PAX3: variants seen among roughly 807,000 people sequenced by gnomAD.
PAX3 encodes paired box protein Pax-3.
In PAX3, 14 loss-of-function variants were observed where a neutral mutation model predicts 51.6. The ratio of observed to expected loss-of-function variants is 0.27; its 90% CI spans 0.18 to 0.42. PAX3 has a LOEUF of 0.42. PAX3 is among the 10% of genes least tolerant of loss of function. The pLI is 1.00. For missense variants in PAX3, 540 were observed against 642.8 expected (o/e 0.84, Z 1.73); for synonymous variants, 280 against 253.4 (o/e 1.11, Z -1.00).
chr2:222,251,441 T>G (rs1693428555), intron 4 of PAX3, among the ~76,000 whole-genome samples: 1 of 152,216 alleles, frequency 6.6e-6, no homozygotes. Flanking sequence ...AACTCATCCT[T>G]TTTTATGGCT....
chr2:222,208,371 G>C (rs1691594352), intron 7 of PAX3, among the ~76,000 whole-genome samples: 1 of 152,080 alleles, frequency 6.6e-6, no homozygotes, highest in Non-Finnish European at 1.5e-5. Flanking sequence ...AGCATATTAA[G>C]AGGGACTGAC....
In PAX3 at chr2:222,256,639, A is replaced by G. The variant is rs140932892; in HGVS notation, c.587-24356T>C. Among the ~76,000 whole-genome samples the G allele has an allele frequency of 1.2e-3, 190 of 152,360 alleles. 2 individuals are homozygous for G. In the South Asian group the frequency reaches 0.027, roughly 21 times the overall value. ...AGTCTCATTTTCTCATGAATGCAAA[A>G]TTAAATACTGTATATAACAGCATTT... On this transcript the variant is annotated intron_variant, in intron 4 of 8. Coordinates refer to ENST00000392070, the MANE Select transcript of PAX3 (RefSeq NM_181458.4).
At chr2:222,267,817 G>A (rs1306547273) in intron 4 of PAX3, among the ~76,000 whole-genome samples, 1 of 152,164 alleles carries the variant, frequency 6.6e-6, no homozygotes, top group African/African-American at 2.4e-5. Context: ...AGTAGCTGAA[G>A]TTGCTAATAT....
At chr2:222,209,960 AAC>A (rs1691663602) in intron 7 of PAX3, among the ~76,000 whole-genome samples, 1 of 152,138 alleles carries the variant, frequency 6.6e-6, no homozygotes, top group Non-Finnish European at 1.5e-5. Flanking sequence ...AACATCTGAG[AAC>A]ACAGTCTCCC....
chr2:222,216,004 G>A (rs774734903), intron 7 of PAX3, among the ~76,000 whole-genome samples: 14 of 152,124 alleles, frequency 9.2e-5, no homozygotes, highest in Non-Finnish European at 1.6e-4. Flanking sequence ...ACCCTCTCAC[G>A]CATCACTGAG....
intron 3 of PAX3, among the ~76,000 whole-genome samples, chr2:222,294,776 G>C (rs1247714781): frequency 7.4e-5 from 1 of 13,458 alleles, no homozygotes; most frequent in African/African-American, 3.5e-4. Context: ...CCACCCCCCC[G>C]TAAATCAAGT....
Position 222,202,129 on chromosome 2 carries a change from A to G in PAX3, c.1235T>C (p.Leu412Pro), listed in dbSNP as rs1348067917. The change falls in exon 8 of 9, where the codon CTC (leucine) becomes CCC (proline). Residue 412 changes from leucine (L) to proline (P), a missense_variant. Transcript: ENST00000392070. ...TTCCAGACCCCCGGTGAGAGGGGAGAGCGCGTAATCAGTCTGGGGCTGATG... is the reference window on the plus strand; with the variant it reads ...TTCCAGACCCCCGGTGAGAGGGGAGGGCGCGTAATCAGTCTGGGGCTGATG... ...VPHQPQTDYA[L>P]SPLTGGLEPT... 6.2e-7 allele frequency: 1 copy of G among 1,613,024 alleles called. No homozygotes were observed. Among genetic ancestry groups the G allele is most frequent in the Non-Finnish European group, 8.5e-7 (1 of 1,179,570 alleles).
chr2:222,265,671 G>GAAGGAAGGAAGA lies in PAX3; in HGVS notation c.586+28495_586+28496insTCTTCCTTCCTT, dbSNP rs1227675068. Among the ~76,000 whole-genome samples, 11 of 148,068 alleles carry GAAGGAAGGAAGA rather than the reference G, an allele frequency of 7.4e-5. 1 individual carries two copies. Among genetic ancestry groups the GAAGGAAGGAAGA allele is most frequent in the Admixed American group, 7.4e-4 (11 of 14,908 alleles). ...AGAAGGAAGGAAGGAAGGAAGGAAG[G>GAAGGAAGGAAGA]AAGGAAGGAAGGAAGGAAGGGAGAA... On this transcript the variant is annotated intron_variant, in intron 4 of 8. Coordinates refer to ENST00000392070, the MANE Select transcript of PAX3 (RefSeq NM_181458.4).
At chr2:222,258,849 C>A (rs1693741794) in intron 4 of PAX3, among the ~76,000 whole-genome samples, 1 of 151,420 alleles carries the variant, frequency 6.6e-6, no homozygotes, top group African/African-American at 2.4e-5. Context: ...CAGTTCTTAA[C>A]AACAACAAAA....
intron 7 of PAX3, among the ~76,000 whole-genome samples, chr2:222,203,097 G>T (rs1691371722): frequency 7.9e-6 from 1 of 126,838 alleles, no homozygotes; most frequent in African/African-American, 2.9e-5. Context: ...TGCAAACATG[G>T]TCTTAAAAAG....
Position 222,201,961 on chromosome 2 carries a change from T to C in PAX3, c.1403A>G (p.Tyr468Cys), listed in dbSNP as rs1691309112. Residue 468 changes from tyrosine (Y) to cysteine (C), a missense_variant, in exon 8 of 9, where the codon TAT (tyrosine) becomes TGT (cysteine). Tyr to Cys is a radical substitution (Grantham distance 194). This residue lies in a region of PAX3 where 427 missense variants were observed against 483.6 expected (regional missense o/e 0.88). Coordinates refer to ENST00000392070, the MANE Select transcript of PAX3 (RefSeq NM_181458.4). Reference sequence around the variant, plus strand: ...AGGCTTACTTTGTCCATACTGCCCATATTGGTAGCCTGTGACAGGGTCCAT... The same window carrying C: ...AGGCTTACTTTGTCCATACTGCCCACATTGGTAGCCTGTGACAGGGTCCAT... Reference protein sequence around the residue: ...YSMDPVTGYQYGQYGQSAFHY... With the variant: ...YSMDPVTGYQCGQYGQSAFHY... 1.2e-6 allele frequency: 2 copies of C among 1,614,056 alleles called. No homozygotes were observed. Among genetic ancestry groups the C allele is most frequent in the Non-Finnish European group, 8.5e-7 (1 of 1,179,982 alleles).
At chr2:222,237,388 GAACA>G (rs1167586192) in intron 4 of PAX3, among the ~76,000 whole-genome samples, 1 of 145,458 alleles carries the variant, frequency 6.9e-6, no homozygotes, top group South Asian at 2.2e-4. Context: ...TAACAGAAAT[GAACA>G]AAAACAGAAA....
At chr2:222,274,527 T>C (rs2106164012) in intron 4 of PAX3, among the ~76,000 whole-genome samples, 1 of 148,644 alleles carries the variant, frequency 6.7e-6, no homozygotes, top group East Asian at 2.1e-4. Flanking sequence ...AAAGGAAGTT[T>C]TTTGTTTTTT....
At chr2:222,264,931 C>G (rs900793480) in intron 4 of PAX3, 1 of 152,214 alleles carries the variant, frequency 6.6e-6, no homozygotes, top group Non-Finnish European at 1.5e-5. Flanking sequence ...TTATTTTTTG[C>G]TTCTTCAGCT....
intron 4 of PAX3, among the ~76,000 whole-genome samples, chr2:222,268,847 G>A (rs935997475): frequency 4.6e-5 from 7 of 151,984 alleles, no homozygotes; most frequent in Admixed American, 1.3e-4. Context: ...TGCCATATTT[G>A]TGCCATATTC....
Position 222,201,963 on chromosome 2 carries a change from T to G in PAX3, c.1401A>C (p.Gln467His). ...GYSMDPVTGY[Q>H]YGQYGQSAFH... ...GCTTACTTTGTCCATACTGCCCATA[T>G]TGGTAGCCTGTGACAGGGTCCATAC... is the stretch of plus-strand genomic sequence containing the variant. The change falls in exon 8 of 9, where the codon CAA (glutamine) becomes CAC (histidine). Residue 467 changes from glutamine to histidine, a missense_variant. Physicochemically the swap from Gln to His is conservative, Grantham distance 24 (BLOSUM62 0). This residue lies in a region of PAX3 where 427 missense variants were observed against 483.6 expected (regional missense o/e 0.88). Coordinates refer to ENST00000392070, the MANE Select transcript of PAX3 (RefSeq NM_181458.4). 1 of 1,614,050 alleles carries G rather than the reference T, an allele frequency of 6.2e-7. No individual in the cohort carries two copies. The highest frequency in any genetic ancestry group is 8.5e-7 in the Non-Finnish European group (1 of 1,179,976).
Position 222,294,155 on chromosome 2 carries a change from G to A in PAX3, c.586+12C>T, listed in dbSNP as rs749510765. ...ACCCAGCAAGTGCGCCGCCCAAGGC[G>A]CCACCGCTTACCTCGCTCGCTCAGG... On this transcript the variant is annotated intron_variant, in intron 4 of 8. Coordinates refer to ENST00000392070, the MANE Select transcript of PAX3 (RefSeq NM_181458.4). 1 of 1,614,116 alleles carries A rather than the reference G, an allele frequency of 6.2e-7. No individual in the cohort carries two copies. Among genetic ancestry groups the A allele is most frequent in the Non-Finnish European group, 8.5e-7 (1 of 1,179,982 alleles).
intron 7 of PAX3, among the ~76,000 whole-genome samples, chr2:222,208,042 C>A (rs900813711): frequency 6.0e-5 from 9 of 151,052 alleles, no homozygotes; most frequent in Non-Finnish European, 1.2e-4. Flanking sequence ...TACTTCTAGC[C>A]AGTGATGAAT....
chr2:222,277,111 G>A (rs1243269380), intron 4 of PAX3, among the ~76,000 whole-genome samples: 1 of 152,040 alleles, frequency 6.6e-6, no homozygotes, highest in Non-Finnish European at 1.5e-5. Flanking sequence ...GCGGTTTTGT[G>A]GGACCTGAAG....
Sources: allele counts gnomAD v4.1 joint callset (sites outside exome capture counted in the v4.1 genomes callset), GRCh38; gene constraint gnomAD v4.1.1; regional missense constraint gnomAD v4.1.1; transcripts MANE v1.5; gene names NCBI Gene and HGNC (gene_info 2026-07-23, HGNC 2026-07-21).